The following SLC5A12 variants were observed in gnomAD, a reference collection of about 807,000 sequenced individuals.
The protein encoded by SLC5A12 is solute carrier family 5 member 12.
A neutral mutation model predicts 72.7 loss-of-function variants in SLC5A12; 46 were observed. The ratio of observed to expected loss-of-function variants is 0.63; its 90% confidence interval spans 0.50 to 0.81. The LOEUF (loss-of-function observed/expected upper bound fraction) is 0.81, where lower values mean the gene tolerates loss of function less well. Ranked by LOEUF, SLC5A12 falls within the 30% of genes least tolerant of loss-of-function variation. The pLI is 0.00. For synonymous variants in SLC5A12, 275 were observed against 264.4 expected (o/e 1.04, Z -0.39); for missense variants, 683 against 740.7 (o/e 0.92, Z 0.90).
chr11:26,702,906 A>G (rs971891446), intron 6 of SLC5A12, among the ~76,000 whole-genome samples: 9 of 152,200 alleles, frequency 5.9e-5, no homozygotes, highest in African/African-American at 2.2e-4. Flanking sequence ...ACCACCAACT[A>G]ACTTAGAGAT....
At chr11:26,678,241 T>C (rs537412438) in intron 13 of SLC5A12, among the ~76,000 whole-genome samples, 1 of 152,342 alleles carries the variant, frequency 6.6e-6, no homozygotes, top group Non-Finnish European at 1.5e-5. Flanking sequence ...AGAACCACTC[T>C]GAATATTTAA....
Position 26,709,385 on chromosome 11 carries a change from A to C in SLC5A12, c.458-6T>G. 1 of 1,601,888 alleles carries C rather than the reference A, an allele frequency of 6.2e-7. No homozygotes were observed. ...CCAGAGATCAAACCCAGTCACTAGGAAAGAAGAAAAAAATATTAAAAGAAG... is the reference window on the plus strand; with the variant it reads ...CCAGAGATCAAACCCAGTCACTAGGCAAGAAGAAAAAAATATTAAAAGAAG... On this transcript the variant is annotated splice_region_variant and splice_polypyrimidine_tract_variant and intron_variant, in intron 3 of 14. Coordinates refer to ENST00000396005, the MANE Select transcript of SLC5A12 (RefSeq NM_178498.4).
chr11:26,703,539 A>G lies in SLC5A12; in HGVS notation c.813T>C (p.His271=), dbSNP rs373989090. The change falls in exon 6 of 15, where the codon CAT becomes CAC. Residue 271 remains histidine (H), a synonymous_variant. Coordinates refer to ENST00000396005, the MANE Select transcript of SLC5A12 (RefSeq NM_178498.4). The stretch of plus-strand genomic sequence containing the variant: ...CTTGACTGAGAACTTACAGCTTAGC[A>G]TGCTTTTCTGTTTTGCAAGAGATGC... The part of the protein sequence containing the change: ...QRCISCKTEK[H]AKLALYFNLL... 1.9e-6 allele frequency: 3 copies of G among 1,613,598 alleles called. No individual in the cohort carries two copies. In the East Asian group the frequency reaches 6.7e-5, roughly 36 times the overall value.
At chr11:26,686,050 G>A (rs942525970) in intron 10 of SLC5A12, among the ~76,000 whole-genome samples, 1 of 152,150 alleles carries the variant, frequency 6.6e-6, no homozygotes, top group African/African-American at 2.4e-5. Flanking sequence ...GAGAAGTGAT[G>A]AAGATTAAAT....
chr11:26,678,466 A>C (rs972125650), intron 13 of SLC5A12, among the ~76,000 whole-genome samples: 1 of 151,804 alleles, frequency 6.6e-6, no homozygotes, highest in Non-Finnish European at 1.5e-5. Context: ...TGCAACCTCC[A>C]CCTTCTGGGT....
At chr11:26,683,980 T>TAA (rs1401174455) in intron 10 of SLC5A12, 137 bp from the exon 11 acceptor site, 1 of 625,342 alleles carries the variant, frequency 1.6e-6, no homozygotes, top group African/African-American at 1.8e-5. Flanking sequence ...GTGCTTTCTA[T>TAA]AAGTCATTTC....
intron 12 of SLC5A12, 76 bp from the exon 13 acceptor site, chr11:26,678,891 C>A (rs1052686927): frequency 2.3e-6 from 2 of 854,964 alleles, no homozygotes; most frequent in South Asian, 4.3e-5. Context: ...GCTCAGGATT[C>A]ATTTTAGGGC....
At chr11:26,716,163 T>C (rs956005171) in intron 1 of SLC5A12, 1 of 152,170 alleles carries the variant, frequency 6.6e-6, no homozygotes, top group Admixed American at 6.5e-5. Context: ...ACGAGGCTAT[T>C]GCTATAGGGA....
At chr11:26,708,938 A>C (rs767820874) in intron 4 of SLC5A12, 2 of 158,942 alleles carry the variant, frequency 1.3e-5, no homozygotes, top group Non-Finnish European at 1.4e-5. Context: ...CAACCAGTAG[A>C]CAGTGAAGCA....
Position 26,670,994 on chromosome 11 carries a change from A to G in SLC5A12, c.*108T>C. Reference sequence around the variant, plus strand: ...TAGGCACCAGACATCCCTGTCTTCTAGCAATGGCAACTATACATATCTACT... The same window carrying G: ...TAGGCACCAGACATCCCTGTCTTCTGGCAATGGCAACTATACATATCTACT... On this transcript the variant is annotated 3_prime_UTR_variant, in exon 15 of 15. Transcript: ENST00000396005. 1.0e-6 allele frequency: 1 copy of G among 978,800 alleles called. No individual in the cohort carries two copies. Among genetic ancestry groups the G allele is most frequent in the Non-Finnish European group, 1.4e-6 (1 of 694,782 alleles). 60.6% of individuals were successfully genotyped at this position (978,800 alleles called of 1,614,324 possible). A position where few individuals can be genotyped will look rare whatever the true frequency, so the allele number is the denominator to read the frequency against.
intron 8 of SLC5A12, among the ~76,000 whole-genome samples, chr11:26,693,842 G>A (rs1401941691): frequency 6.6e-6 from 1 of 152,038 alleles, no homozygotes. Flanking sequence ...CTAATTGCTT[G>A]GGGGGTACTA....
chr11:26,692,452 C>A, intron 9 of SLC5A12, 37 bp downstream of exon 9: 1 of 1,389,822 alleles, frequency 7.2e-7, no homozygotes. Context: ...ATGTACATTT[C>A]ATGATATGGA....
chr11:26,712,805 C>T (rs1214465819), intron 1 of SLC5A12, 99 bp from the exon 2 acceptor site: 2 of 644,244 alleles, frequency 3.1e-6, no homozygotes, highest in Admixed American at 2.5e-5. Flanking sequence ...GTGCTCTGGA[C>T]TTGTAATCTG....
At chr11:26,697,308 A>G (rs529268693) in intron 7 of SLC5A12, 56 bp from the exon 8 acceptor site, 5 of 1,498,070 alleles carry the variant, frequency 3.3e-6, no homozygotes, top group East Asian at 2.3e-5. Context: ...AAAGAAAAGA[A>G]AAGAGAAGAG....
At chr11:26,696,553 A>G (rs1854818965) in intron 8 of SLC5A12, among the ~76,000 whole-genome samples, 1 of 152,232 alleles carries the variant, frequency 6.6e-6, no homozygotes, top group Non-Finnish European at 1.5e-5. Context: ...TCTGCTATAC[A>G]CCTAGGGTAT....
At chr11:26,691,282 C>G (rs1326708893) in intron 9 of SLC5A12, among the ~76,000 whole-genome samples, 1 of 152,018 alleles carries the variant, frequency 6.6e-6, no homozygotes, top group Non-Finnish European at 1.5e-5. Context: ...ATATTAAGCA[C>G]ACAAAATATA....
intron 1 of SLC5A12, among the ~76,000 whole-genome samples, chr11:26,719,185 A>G (rs1013241228): frequency 5.9e-5 from 9 of 152,162 alleles, no homozygotes; most frequent in African/African-American, 1.9e-4. Context: ...ATTTTAAGAC[A>G]GTGTTTTTAT....
intron 13 of SLC5A12, among the ~76,000 whole-genome samples, chr11:26,675,963 A>G (rs1173160110): frequency 9.1e-6 from 1 of 109,964 alleles, no homozygotes; most frequent in Non-Finnish European, 2.1e-5. Context: ...GTGTGTGTGC[A>G]TGTATCTGTG....
chr11:26,710,409 G>A (rs60517765), intron 3 of SLC5A12, among the ~76,000 whole-genome samples: 5,332 of 152,052 alleles, frequency 0.035, 309 homozygotes, highest in African/African-American at 0.12. Flanking sequence ...CTAGATCCTT[G>A]AGGAATCGCC....
Sources: gnomAD v4.1 joint callset for allele counts (sites outside exome capture counted in the v4.1 genomes callset) on GRCh38, gnomAD v4.1.1 for gene constraint, MANE v1.5 for transcripts, NCBI Gene and HGNC (gene_info 2026-07-23, HGNC 2026-07-21) for gene names.